Variants in CAMK1D observed in about 807,000 individuals in gnomAD.
CAMK1D encodes calcium/calmodulin dependent protein kinase ID.
CAMK1D carries 9 observed loss-of-function variants against 47.7 expected under a neutral mutation model. The observed-to-expected ratio is 0.19, with a 90% CI of 0.11 to 0.33. The LOEUF (loss-of-function observed/expected upper bound fraction) is 0.33. CAMK1D is among the 10% of genes least tolerant of loss of function. The pLI, the probability that CAMK1D is intolerant of heterozygous loss-of-function variation, is 1.00. For synonymous variants in CAMK1D, 184 were observed against 184.9 expected, an observed-to-expected ratio of 0.99 and a Z score of 0.04; for missense variants, 291 against 488.7, an observed-to-expected ratio of 0.60 and a Z score of 3.81.
At chr10:12,720,225 T>C (rs1355845616) in intron 3 of CAMK1D, among the ~76,000 whole-genome samples, 1 of 152,226 alleles carries the variant, frequency 6.6e-6, no homozygotes, top group Non-Finnish European at 1.5e-5. Flanking sequence ...TCAGGACTCA[T>C]GACTTGAATT....
At chr10:12,696,080 A>T (rs1833284202) in intron 3 of CAMK1D, among the ~76,000 whole-genome samples, 1 of 151,790 alleles carries the variant, frequency 6.6e-6, no homozygotes, top group Non-Finnish European at 1.5e-5. Context: ...CAAGAGTTAA[A>T]CTCCATCTCA....
At chr10:12,618,332 T>C (rs1423429189) in intron 2 of CAMK1D, among the ~76,000 whole-genome samples, 7 of 152,258 alleles carry the variant, frequency 4.6e-5, no homozygotes, top group African/African-American at 1.7e-4. Context: ...ATAGATTTCA[T>C]TCTGTTGCTT....
chr10:12,425,987 C>T (rs976069283), intron 1 of CAMK1D, among the ~76,000 whole-genome samples: 3 of 152,224 alleles, frequency 2.0e-5, no homozygotes, highest in African/African-American at 7.2e-5. Context: ...CACTGGAGAA[C>T]AGCCCATGCC....
At chr10:12,778,580 A>G (rs899130789) in intron 5 of CAMK1D, among the ~76,000 whole-genome samples, 4 of 152,218 alleles carry the variant, frequency 2.6e-5, no homozygotes, top group African/African-American at 9.6e-5. Flanking sequence ...AGCAACATTA[A>G]AATACAGGTG....
rs192314396 is a variant in CAMK1D, at chr10:12,462,456, G to T, written c.93-90769G>T. Reference sequence around the variant, plus strand: ...TGGGATTATAGGCATGAGCCACTGCGCCTGGCCAAGAATTTTTTTTTTTTT... The same window carrying T: ...TGGGATTATAGGCATGAGCCACTGCTCCTGGCCAAGAATTTTTTTTTTTTT... On this transcript the variant is annotated intron_variant, in intron 1 of 10. Coordinates refer to ENST00000619168, the MANE Select transcript of CAMK1D (RefSeq NM_153498.4). Among the ~76,000 whole-genome samples the T allele has an allele frequency of 6.4e-3, 908 of 141,498 alleles. 13 individuals carry two copies. Among genetic ancestry groups the T allele is most frequent in the African/African-American group, 0.023 (859 of 38,056 alleles). 92.8% of individuals were successfully genotyped at this position (141,498 alleles called of 152,430 possible).
chr10:12,805,371 T>C (rs1342560670), intron 6 of CAMK1D, among the ~76,000 whole-genome samples: 12 of 136,780 alleles, frequency 8.8e-5, no homozygotes, highest in South Asian at 2.2e-4. Flanking sequence ...ACATTTCTTT[T>C]TTTTTTTTTT....
intron 1 of CAMK1D, among the ~76,000 whole-genome samples, chr10:12,505,136 C>T (rs7920446): frequency 0.3 from 44,947 of 152,078 alleles, 7,358 homozygotes; most frequent in Admixed American, 0.42. Flanking sequence ...TAACCCCATC[C>T]TATCCTGATA....
intron 6 of CAMK1D, among the ~76,000 whole-genome samples, chr10:12,812,539 C>G (rs1832648325): frequency 6.6e-6 from 1 of 152,140 alleles, no homozygotes; most frequent in South Asian, 2.1e-4. Flanking sequence ...TAGCTGGAAC[C>G]CAGGAGGTAG....
chr10:12,585,427 T>G (rs1726754421), intron 2 of CAMK1D, among the ~76,000 whole-genome samples: 1 of 152,182 alleles, frequency 6.6e-6, no homozygotes, highest in Admixed American at 6.5e-5. Context: ...GTACAGTTCC[T>G]AGGAGGGCTC....
At chr10:12,375,822 T>C (rs79461638) in intron 1 of CAMK1D, among the ~76,000 whole-genome samples, 1 of 152,258 alleles carries the variant, frequency 6.6e-6, no homozygotes, top group East Asian at 1.9e-4. Context: ...CAGATTGTGC[T>C]CTTTTGCAGT....
intron 2 of CAMK1D, among the ~76,000 whole-genome samples, chr10:12,579,147 G>A (rs998348802): frequency 2.6e-5 from 4 of 152,096 alleles, no homozygotes; most frequent in East Asian, 1.9e-4. Flanking sequence ...CTCGGAAGGC[G>A]CCTGAGTGAG....
chr10:12,574,951 AG>A (rs764235271), intron 2 of CAMK1D, among the ~76,000 whole-genome samples: 1 of 152,172 alleles, frequency 6.6e-6, no homozygotes, highest in African/African-American at 2.4e-5. Context: ...GGCATGGTGC[AG>A]AACCATTCAT....
At chr10:12,389,660 C>T (rs767865380) in intron 1 of CAMK1D, among the ~76,000 whole-genome samples, 2 of 152,090 alleles carry the variant, frequency 1.3e-5, no homozygotes, top group African/African-American at 4.8e-5. Context: ...GGTTGGCGAC[C>T]GTCCAGTTAT....
chr10:12,384,026 G>A (rs1838419524), intron 1 of CAMK1D, among the ~76,000 whole-genome samples: 1 of 152,116 alleles, frequency 6.6e-6, no homozygotes. Flanking sequence ...TCCAAGATCA[G>A]TATACAAAAA....
At chr10:12,387,546 G>A (rs1418128882) in intron 1 of CAMK1D, among the ~76,000 whole-genome samples, 5 of 142,890 alleles carry the variant, frequency 3.5e-5, no homozygotes, top group African/African-American at 7.8e-5. Flanking sequence ...TGGCTCCGTG[G>A]CCCAGGCTGG....
intron 3 of CAMK1D, among the ~76,000 whole-genome samples, chr10:12,686,236 C>T (rs542927300): frequency 1.7e-4 from 26 of 152,214 alleles, no homozygotes; most frequent in Admixed American, 1.2e-3. Context: ...TTACTTTGTA[C>T]GTGTTGATAT....
chr10:12,410,484 C>G (rs1839620504), intron 1 of CAMK1D, among the ~76,000 whole-genome samples: 1 of 152,202 alleles, frequency 6.6e-6, no homozygotes, highest in South Asian at 2.1e-4. Context: ...CTCTCAGAGT[C>G]TGCTCAAGAC....
intron 3 of CAMK1D, among the ~76,000 whole-genome samples, chr10:12,692,404 C>T (rs995157698): frequency 6.6e-6 from 1 of 152,136 alleles, no homozygotes; most frequent in African/African-American, 2.4e-5. Context: ...TTGTTTAATA[C>T]ATAGTGCAAG....
intron 5 of CAMK1D, among the ~76,000 whole-genome samples, chr10:12,782,996 G>GTTTTTT (rs869121653): frequency 1.2e-5 from 1 of 85,652 alleles, no homozygotes; most frequent in Non-Finnish European, 2.5e-5. Context: ...TTTTTTTTTT[G>GTTTTTT]TTTTTTTTTT....
Sources: gnomAD v4.1 joint callset for allele counts (sites outside exome capture counted in the v4.1 genomes callset) on GRCh38, gnomAD v4.1.1 for gene constraint, MANE v1.5 for transcripts, NCBI Gene and HGNC (gene_info 2026-07-23, HGNC 2026-07-21) for gene names.